Variants in LRRC8C observed in about 807,000 individuals in gnomAD.
LRRC8C encodes the protein volume-regulated anion channel subunit LRRC8C.
In LRRC8C, 20 loss-of-function variants were observed where a neutral mutation model predicts 55.3. The observed-to-expected ratio is 0.36, with a 90% CI of 0.25 to 0.53. The LOEUF is 0.53. Among genes scored for constraint, LRRC8C ranks in the 20% least tolerant of loss-of-function variants. The pLI, the probability that LRRC8C is intolerant of heterozygous loss-of-function variation, is 0.92. For missense variants in LRRC8C, 659 were observed against 951.4 expected, an observed-to-expected ratio of 0.69 and a Z score of 4.04; for synonymous variants, 376 against 360.7, an observed-to-expected ratio of 1.04 and a Z score of -0.48.
At chr1:89,622,334 A>ATTTTTTTTTTTTTTT in the LRRC8C span, among the ~76,000 whole-genome samples, 1 of 127,234 alleles carries the variant, frequency 7.9e-6, no homozygotes. Flanking sequence ...ATACATGTAA[A>ATTTTTTTTTTTTTTT]ATTTTTTTTT....
intron 2 of LRRC8C, among the ~76,000 whole-genome samples, chr1:89,687,435 A>C (rs1657911855): frequency 6.6e-6 from 1 of 152,234 alleles, no homozygotes; most frequent in Non-Finnish European, 1.5e-5. Context: ...TGTGAGAAAG[A>C]ACATGACATC....
intron 2 of LRRC8C, among the ~76,000 whole-genome samples, chr1:89,705,966 A>G (rs1658470072): frequency 6.6e-6 from 1 of 152,166 alleles, no homozygotes; most frequent in South Asian, 2.1e-4. Context: ...AATCAACATC[A>G]TGTCAGTTCT....
intron 1 of LRRC8C, among the ~76,000 whole-genome samples, chr1:89,676,613 C>A (rs944086498): frequency 1.3e-5 from 2 of 152,076 alleles, no homozygotes; most frequent in Non-Finnish European, 2.9e-5. Flanking sequence ...ATGGATAAGT[C>A]GATTTTAGTG....
chr1:89,712,675 A>G (rs775446886), intron 2 of LRRC8C, 34 bp from the exon 3 acceptor site: 2 of 1,480,132 alleles, frequency 1.4e-6, no homozygotes, highest in Non-Finnish European at 9.4e-7. Flanking sequence ...CTCTTTGAGT[A>G]ATATAATTTG....
At chr1:89,623,237 AATTG>A in the LRRC8C span, among the ~76,000 whole-genome samples, 5 of 152,134 alleles carry the variant, frequency 3.3e-5, no homozygotes, top group African/African-American at 1.2e-4. Context: ...TTTCACTGAG[AATTG>A]ATTTTTAAAT....
At chr1:89,685,105 T>G (rs1436274431) in intron 1 of LRRC8C, among the ~76,000 whole-genome samples, 8 of 124,144 alleles carry the variant, frequency 6.4e-5, no homozygotes, top group Admixed American at 4.6e-4. Context: ...CTAGTTCTTT[T>G]TTTTTTTTTT....
chr1:89,680,610 G>C (rs1331201663), intron 1 of LRRC8C, among the ~76,000 whole-genome samples: 2 of 147,968 alleles, frequency 1.4e-5, no homozygotes, highest in African/African-American at 2.5e-5. Flanking sequence ...TCCCAGGCTG[G>C]AGTGCAGTAG....
At chr1:89,678,145 T>A (rs770729095) in intron 1 of LRRC8C, among the ~76,000 whole-genome samples, 2 of 152,256 alleles carry the variant, frequency 1.3e-5, no homozygotes, top group African/African-American at 2.4e-5. Flanking sequence ...GTGTGTGGGA[T>A]CTTCCTACCA....
chr1:89,653,971 T>C (rs1265354910), intron 1 of LRRC8C, among the ~76,000 whole-genome samples: 2 of 152,158 alleles, frequency 1.3e-5, no homozygotes, highest in Non-Finnish European at 2.9e-5. Context: ...AGCAAAGATA[T>C]GGAATCAATC....
rs1491073407 is a variant in LRRC8C at position 89,701,493 on chromosome 1, A to AAG, written c.139-11216_139-11215insAG. Among the ~76,000 whole-genome samples the AAG allele has an allele frequency of 2.6e-5, 4 of 151,440 alleles. No individual in the cohort carries two copies. In the East Asian group the frequency reaches 7.7e-4, roughly 29 times the overall value. ...GAGACTCCATCTCAAAAAAAAAAAAAGAAAGAAAGAAAAAGAACAATGGAC... is the reference window on the plus strand; with the variant it reads ...GAGACTCCATCTCAAAAAAAAAAAAAAGGAAAGAAAGAAAAAGAACAATGGAC... On this transcript the variant is annotated intron_variant, in intron 2 of 2. Transcript: ENST00000370454.
At chr1:89,628,369 T>A (rs74446652), upstream of LRRC8C, among the ~76,000 whole-genome samples, 4 of 152,294 alleles carry the variant, frequency 2.6e-5, no homozygotes, top group East Asian at 7.7e-4. Context: ...GACCCCAAGA[T>A]ATAGGGGCAA....
chr1:89,685,082 G>A lies in LRRC8C; in HGVS notation c.-4-1388G>A, dbSNP rs1034551577. Among the ~76,000 whole-genome samples the A allele has an allele frequency of 1.3e-3, 164 of 130,992 alleles. 1 individual carries two copies. Among genetic ancestry groups the A allele is most frequent in the African/African-American group, 4.0e-3 (145 of 35,852 alleles). The allele number at this position is 130,992 out of a possible 152,430, so 85.9% of individuals were successfully genotyped here. ...AAGAGGCTTTGCTTTTATGTGGGAT[G>A]TTTATTGTCTATCTAGTTCTTTTTT... On this transcript the variant is annotated intron_variant, in intron 1 of 2. Coordinates refer to ENST00000370454, the MANE Select transcript of LRRC8C (RefSeq NM_032270.5).
chr1:89,647,694 A>G (rs533343226), intron 1 of LRRC8C, among the ~76,000 whole-genome samples: 1 of 152,310 alleles, frequency 6.6e-6, no homozygotes, highest in Non-Finnish European at 1.5e-5. Context: ...GTTACCAGTT[A>G]TCTATCCTAC....
chr1:89,709,844 C>CG (rs1658598003), intron 2 of LRRC8C, among the ~76,000 whole-genome samples: 3 of 151,698 alleles, frequency 2.0e-5, no homozygotes, highest in Admixed American at 6.6e-5. Flanking sequence ...CTCCGCCTCC[C>CG]GGGTTCACGC....
intron 1 of LRRC8C, among the ~76,000 whole-genome samples, chr1:89,651,295 A>AGTG (rs1656768911): frequency 6.6e-6 from 1 of 151,920 alleles, no homozygotes; most frequent in African/African-American, 2.4e-5. Context: ...TAGGCCAGGC[A>AGTG]TAGTGGCTCA....
the LRRC8C span, among the ~76,000 whole-genome samples, chr1:89,623,935 TAC>T: frequency 6.6e-6 from 1 of 152,246 alleles, no homozygotes; most frequent in South Asian, 2.1e-4. Context: ...ACTAGCCTGC[TAC>T]ACTTTCTGGG....
intron 1 of LRRC8C, among the ~76,000 whole-genome samples, chr1:89,685,775 A>G (rs1440433729): frequency 6.6e-6 from 1 of 152,146 alleles, no homozygotes; most frequent in Admixed American, 6.6e-5. Context: ...AGCGGAGAAA[A>G]TTAGGATAAG....
At chr1:89,679,014 C>T (rs187565591) in intron 1 of LRRC8C, among the ~76,000 whole-genome samples, 5 of 152,054 alleles carry the variant, frequency 3.3e-5, no homozygotes, top group African/African-American at 1.2e-4. Context: ...ATTTGTGAAG[C>T]GTCAAGTATA....
At chr1:89,675,970 T>C (rs1259488559) in intron 1 of LRRC8C, among the ~76,000 whole-genome samples, 1 of 152,226 alleles carries the variant, frequency 6.6e-6, no homozygotes, top group Non-Finnish European at 1.5e-5. Context: ...TGAACAGTTT[T>C]TGAAGGACTA....
Sources: gnomAD v4.1 joint callset for allele counts (sites outside exome capture counted in the v4.1 genomes callset) on GRCh38, gnomAD v4.1.1 for gene constraint, MANE v1.5 for transcripts, NCBI Gene and HGNC (gene_info 2026-07-23, HGNC 2026-07-21) for gene names.